Variants in FFAR4 observed in about 807,000 individuals in gnomAD.
FFAR4 encodes G-protein coupled receptor 120.
In FFAR4, 19 loss-of-function variants were observed where a neutral mutation model predicts 27.0. That is an observed-to-expected ratio of 0.70 (90% confidence interval 0.49 to 1.03). The LOEUF (loss-of-function observed/expected upper bound fraction) is 1.03, where lower values mean the gene tolerates loss of function less well. Ranked by LOEUF, FFAR4 falls within the 50% of genes least tolerant of loss-of-function variation. The pLI is 0.00. For synonymous variants in FFAR4, 254 were observed against 215.6 expected (o/e 1.18, Z -1.56); for missense variants, 476 against 479.0 (o/e 0.99, Z 0.06).
intron 1 of FFAR4, among the ~76,000 whole-genome samples, chr10:93,574,688 A>G (rs974921729): frequency 6.6e-6 from 1 of 151,914 alleles, no homozygotes; most frequent in Admixed American, 6.6e-5. Context: ...GGAGATCGAG[A>G]CCATTCTGGC....
Position 93,567,280 on chromosome 10 carries a change from C to T in FFAR4, c.560C>T (p.Ala187Val), listed in dbSNP as rs778735301. The T allele has an allele frequency of 2.5e-6, 4 of 1,598,572 alleles. No individual in the cohort carries two copies. In the East Asian group the frequency reaches 8.9e-5, roughly 36 times the overall value. The change falls in exon 1 of 3, where the codon GCC becomes GTC. Residue 187 changes from alanine (A) to valine (V), a missense_variant. Coordinates refer to ENST00000371481, the MANE Select transcript of FFAR4 (RefSeq NM_001195755.2). ...GTCGTCCCGCAACGGCTCCCCGGCG[C>T]CGACCAGGTGAGCGCCCCTCTGTGT... ...FRVVPQRLPG[A>V]DQEISICTLI...
chr10:93,583,787 G>T (rs953077392), intron 2 of FFAR4, among the ~76,000 whole-genome samples: 5 of 152,232 alleles, frequency 3.3e-5, no homozygotes, highest in Non-Finnish European at 7.3e-5. Context: ...TCACAGAATT[G>T]TTGGGAGAAT....
intron 1 of FFAR4, among the ~76,000 whole-genome samples, chr10:93,568,302 T>C (rs563268833): frequency 1.3e-5 from 2 of 152,162 alleles, no homozygotes; most frequent in East Asian, 3.9e-4. Flanking sequence ...CGGAGAGAGA[T>C]AGAGAAAGGA....
rs2058252019 is a variant in FFAR4 at position 93,589,807 on chromosome 10, C to T, written c.*2198C>T. The T allele has an allele frequency of 6.6e-6, 1 of 152,118 alleles. No individual in the cohort carries two copies. The highest frequency in any genetic ancestry group is 2.4e-5 in the African/African-American group (1 of 41,396). The allele number at this position is 152,118 out of a possible 1,614,324, so 9.4% of individuals were successfully genotyped here. On this transcript the variant is annotated 3_prime_UTR_variant, in exon 3 of 3. Transcript: ENST00000371481. ...ATAGAGAGAAACCAGAGCCAAAGAC[C>T]GAACCCAGGGTCACTCCACCACTTG... is the stretch of plus-strand genomic sequence containing the variant.
chr10:93,587,315 C>T lies in FFAR4; in HGVS notation c.792C>T (p.Arg264=), dbSNP rs1259511394. The T allele has an allele frequency of 6.2e-7, 1 of 1,614,072 alleles. No individual in the cohort carries two copies. The highest frequency in any genetic ancestry group is 8.5e-7 in the Non-Finnish European group (1 of 1,180,040). The change falls in exon 3 of 3, where the codon CGC becomes CGT. Residue 264 remains arginine, a synonymous_variant. Transcript: ENST00000371481. ...RVSQQDFRLF[R]TLFLLMVSFF... ...CCCAGCAGGACTTCCGGCTCTTCCG[C>T]ACCCTCTTCCTCCTCATGGTCTCCT...
intron 1 of FFAR4, among the ~76,000 whole-genome samples, chr10:93,575,056 C>T (rs1354770220): frequency 2.0e-5 from 3 of 152,202 alleles, no homozygotes; most frequent in African/African-American, 4.8e-5. Context: ...GAATATTGGT[C>T]AAGTGAATGA....
chr10:93,572,368 A>G (rs2058136580), intron 1 of FFAR4, among the ~76,000 whole-genome samples: 1 of 152,208 alleles, frequency 6.6e-6, no homozygotes, highest in African/African-American at 2.4e-5. Context: ...TGGAGGCCAA[A>G]GGAGCAGTGA....
intron 1 of FFAR4, among the ~76,000 whole-genome samples, chr10:93,573,793 G>A (rs1470936878): frequency 6.6e-6 from 1 of 152,110 alleles, no homozygotes; most frequent in Non-Finnish European, 1.5e-5. Flanking sequence ...TTAAAGTCAC[G>A]GAATTTGGGA....
Position 93,567,300 on chromosome 10 carries a change from C to T in FFAR4, c.567+13C>T. On this transcript the variant is annotated intron_variant, in intron 1 of 2. Transcript: ENST00000371481. ...CGGCGCCGACCAGGTGAGCGCCCCT[C>T]TGTGTGTGCCGGGCAGGTGTCCTGC... 2 of 1,595,010 alleles carry T rather than the reference C, an allele frequency of 1.3e-6. No homozygotes were observed. The highest frequency in any genetic ancestry group is 1.7e-6 in the Non-Finnish European group (2 of 1,178,034).
chr10:93,567,086 C>T lies in FFAR4; in HGVS notation c.366C>T (p.Gly122=). 2 of 1,610,000 alleles carry T rather than the reference C, an allele frequency of 1.2e-6. No individual in the cohort carries two copies. The highest frequency in any genetic ancestry group is 2.2e-5 in the South Asian group (2 of 90,912). ...HLLFYVMTLS[G]SVTILTLAAV... ...TCTTCTACGTGATGACCCTGAGCGG[C>T]AGCGTCACCATCCTCACGCTGGCCG... Residue 122 remains glycine (G), a synonymous_variant, in exon 1 of 3, where the codon GGC becomes GGT. Transcript: ENST00000371481.
rs556346791 is a variant in FFAR4, at chr10:93,574,693, T to C, written c.568-1398T>C. Among the ~76,000 whole-genome samples the C allele has an allele frequency of 4.0e-5, 6 of 151,640 alleles. No individual in the cohort carries two copies. The South Asian group carries it at 8.4e-4, about 21-fold the overall frequency. On this transcript the variant is annotated intron_variant, in intron 1 of 2. Coordinates refer to ENST00000371481, the MANE Select transcript of FFAR4 (RefSeq NM_001195755.2). ...CACAAGGTCAGGAGATCGAGACCAT[T>C]CTGGCTAACATGGTGAAACCCCGTC...
chr10:93,579,490 C>T (rs986342339), intron 2 of FFAR4, among the ~76,000 whole-genome samples: 1 of 152,166 alleles, frequency 6.6e-6, no homozygotes, highest in Non-Finnish European at 1.5e-5. Context: ...TCAAAAAGCT[C>T]TTCACCAAAA....
At position 93,587,355 on chromosome 10, in the gene FFAR4, A is replaced by T. The variant is rs1231809073; in HGVS notation, c.832A>T (p.Ser278Cys). The T allele has an allele frequency of 1.2e-6, 2 of 1,613,908 alleles. No individual in the cohort carries two copies. The change falls in exon 3 of 3, where the codon AGC becomes TGC. Residue 278 changes from serine (S) to cysteine (C), a missense_variant. Physicochemically the swap from Ser to Cys is moderately radical, Grantham distance 112 (BLOSUM62 -1). Coordinates refer to ENST00000371481, the MANE Select transcript of FFAR4 (RefSeq NM_001195755.2). Reference sequence around the variant, plus strand: ...CATGGTCTCCTTCTTCATCATGTGGAGCCCCATCATCATCACCATCCTCCT... The same window carrying T: ...CATGGTCTCCTTCTTCATCATGTGGTGCCCCATCATCATCACCATCCTCCT... ...LLMVSFFIMW[S>C]PIIITILLIL...
chr10:93,572,797 A>G (rs2058139718), intron 1 of FFAR4, among the ~76,000 whole-genome samples: 1 of 152,142 alleles, frequency 6.6e-6, no homozygotes, highest in Non-Finnish European at 1.5e-5. Context: ...CCTCATGGCT[A>G]TTGGGCAAGT....
chr10:93,577,701 A>G (rs2058172476), intron 2 of FFAR4, among the ~76,000 whole-genome samples: 1 of 152,272 alleles, frequency 6.6e-6, no homozygotes, highest in Non-Finnish European at 1.5e-5. Flanking sequence ...AAATATTTAC[A>G]TAGTGTTGAC....
intron 2 of FFAR4, among the ~76,000 whole-genome samples, chr10:93,586,483 A>G (rs1428001691): frequency 1.3e-5 from 2 of 152,170 alleles, no homozygotes; most frequent in African/African-American, 4.8e-5. Context: ...AGAGAGGGGA[A>G]GAGTATGCAC....
At chr10:93,582,504 A>G (rs1250424372) in intron 2 of FFAR4, among the ~76,000 whole-genome samples, 5 of 144,696 alleles carry the variant, frequency 3.5e-5, no homozygotes, top group African/African-American at 5.1e-5. Flanking sequence ...AGATCACACT[A>G]TTGCACTCCA....
At chr10:93,567,347 C>T (rs558707364) in intron 1 of FFAR4, 60 bp downstream of exon 1, 3 of 1,461,318 alleles carry the variant, frequency 2.1e-6, no homozygotes, top group African/African-American at 2.8e-5. Context: ...AGCGGGGCCC[C>T]GACGGAAGCT....
chr10:93,570,072 T>G (rs998485506), intron 1 of FFAR4, among the ~76,000 whole-genome samples: 17 of 151,572 alleles, frequency 1.1e-4, no homozygotes, highest in Middle Eastern at 3.4e-3. Flanking sequence ...AAAAAAAAAT[T>G]TTTTTTAAAT....
Sources: allele counts gnomAD v4.1 joint callset (sites outside exome capture counted in the v4.1 genomes callset), GRCh38; gene constraint gnomAD v4.1.1; transcripts MANE v1.5; gene names NCBI Gene and HGNC (gene_info 2026-07-23, HGNC 2026-07-21).